Variants in FAR2 observed in about 807,000 individuals in gnomAD.
FAR2 encodes epididymis secretory protein Li 81.
FAR2 carries 19 observed loss-of-function variants against 56.0 expected under a neutral mutation model. The observed-to-expected ratio is 0.34, with a 90% CI of 0.24 to 0.50. The LOEUF (loss-of-function observed/expected upper bound fraction) is 0.50, where lower values mean the gene tolerates loss of function less well. Among genes scored for constraint, FAR2 ranks in the 20% least tolerant of loss-of-function variants. The pLI, the probability that FAR2 is intolerant of heterozygous loss-of-function variation, is 0.98. For synonymous variants in FAR2, 219 were observed against 218.8 expected, an observed-to-expected ratio of 1.00 and a Z score of -0.01; for missense variants, 508 against 642.2, an observed-to-expected ratio of 0.79 and a Z score of 2.26.
chr12:29,304,207 C>T (rs1022772503), intron 4 of FAR2, among the ~76,000 whole-genome samples: 19 of 152,304 alleles, frequency 1.2e-4, no homozygotes, highest in Middle Eastern at 6.8e-3. Context: ...TGAGTTCATC[C>T]ACTTTCTCTC....
chr12:29,248,545 C>T (rs944946574), intron 1 of FAR2, among the ~76,000 whole-genome samples: 1 of 152,196 alleles, frequency 6.6e-6, no homozygotes, highest in Non-Finnish European at 1.5e-5. Flanking sequence ...GGCGAGATCA[C>T]AGGACCACAG....
chr12:29,247,841 A>G (rs1316522729), intron 1 of FAR2, among the ~76,000 whole-genome samples: 2 of 152,236 alleles, frequency 1.3e-5, no homozygotes, highest in African/African-American at 4.8e-5. Context: ...GTAGTACAAT[A>G]AGTTTATTAA....
intron 1 of FAR2, among the ~76,000 whole-genome samples, chr12:29,193,166 C>T (rs1282668979): frequency 6.6e-6 from 1 of 152,088 alleles, no homozygotes; most frequent in Non-Finnish European, 1.5e-5. Context: ...TGTGCCCCTA[C>T]ACATGCACAG....
intron 1 of FAR2, among the ~76,000 whole-genome samples, chr12:29,166,821 T>A (rs1328907171): frequency 6.6e-6 from 1 of 152,222 alleles, no homozygotes; most frequent in Non-Finnish European, 1.5e-5. Flanking sequence ...GCTCTCTTAG[T>A]TTCTTTCTCC....
chr12:29,255,805 T>G (rs1392444941), intron 1 of FAR2, among the ~76,000 whole-genome samples: 14 of 152,180 alleles, frequency 9.2e-5, no homozygotes, highest in Admixed American at 9.2e-4. Context: ...TACTACTTTC[T>G]AAGAAATTCT....
chr12:29,293,238 A>G (rs1949002518), intron 2 of FAR2, 62 bp from the exon 3 acceptor site: 4 of 1,328,874 alleles, frequency 3.0e-6, no homozygotes. Flanking sequence ...GTTGTTATAA[A>G]CAAGAACAAT....
In FAR2 at chr12:29,149,353, G is replaced by A. The variant is rs1190560948; in HGVS notation, c.-93G>A. The A allele has an allele frequency of 6.6e-6, 1 of 152,536 alleles. No individual in the cohort carries two copies. Among genetic ancestry groups the A allele is most frequent in the Non-Finnish European group, 1.5e-5 (1 of 68,284 alleles). 9.4% of individuals were successfully genotyped at this position (152,536 alleles called of 1,614,324 possible). On this transcript the variant is annotated 5_prime_UTR_variant, in exon 1 of 12. Transcript: ENST00000536681. ...GAGCGCTTCCCGTAGCCTCGGGGAAGGAGCAGGATTTAGAGGACCACTAGT... is the reference window on the plus strand; with the variant it reads ...GAGCGCTTCCCGTAGCCTCGGGGAAAGAGCAGGATTTAGAGGACCACTAGT...
intron 1 of FAR2, among the ~76,000 whole-genome samples, chr12:29,165,030 C>T (rs141818834): frequency 9.7e-4 from 147 of 152,184 alleles, no homozygotes; most frequent in African/African-American, 3.4e-3. Flanking sequence ...TTTTCACTTC[C>T]TTTTTTGTGT....
chr12:29,212,346 C>A (rs1947560597), intron 1 of FAR2, among the ~76,000 whole-genome samples: 1 of 152,116 alleles, frequency 6.6e-6, no homozygotes, highest in Non-Finnish European at 1.5e-5. Context: ...CCATTTACCC[C>A]TAACCACTAA....
chr12:29,268,137 G>A (rs951101944), intron 1 of FAR2, among the ~76,000 whole-genome samples: 1 of 152,194 alleles, frequency 6.6e-6, no homozygotes, highest in African/African-American at 2.4e-5. Context: ...GTTACTAGCA[G>A]AGCATTCTGG....
chr12:29,216,036 C>G (rs1262462657), intron 1 of FAR2, among the ~76,000 whole-genome samples: 1 of 152,162 alleles, frequency 6.6e-6, no homozygotes, highest in Non-Finnish European at 1.5e-5. Flanking sequence ...CTGAAGTAAA[C>G]TTATATCCCT....
At chr12:29,246,704 T>C (rs1243729349) in intron 1 of FAR2, among the ~76,000 whole-genome samples, 1 of 152,158 alleles carries the variant, frequency 6.6e-6, no homozygotes, top group Non-Finnish European at 1.5e-5. Flanking sequence ...TTTTTAGTCT[T>C]ATGTACTGTA....
chr12:29,257,761 G>A (rs11833664), intron 1 of FAR2, among the ~76,000 whole-genome samples: 6,812 of 152,022 alleles, frequency 0.045, 509 homozygotes, highest in African/African-American at 0.16. Context: ...AAGAAACTCC[G>A]AACACATCTG....
intron 9 of FAR2, among the ~76,000 whole-genome samples, chr12:29,318,850 T>TG (rs1949501738): frequency 6.6e-6 from 1 of 152,134 alleles, no homozygotes; most frequent in African/African-American, 2.4e-5. Context: ...CAGGAGAGGA[T>TG]GCTGAGGAGG....
chr12:29,301,416 G>T (rs1949162109), intron 4 of FAR2, among the ~76,000 whole-genome samples: 1 of 152,150 alleles, frequency 6.6e-6, no homozygotes, highest in Non-Finnish European at 1.5e-5. Context: ...ATCAGGGATT[G>T]CCAGTGAAAT....
At chr12:29,328,136 C>CA (rs1949677514) in intron 10 of FAR2, among the ~76,000 whole-genome samples, 1 of 151,896 alleles carries the variant, frequency 6.6e-6, no homozygotes, top group African/African-American at 2.4e-5. Context: ...TTTATGCAGC[C>CA]AAAAAACACA....
chr12:29,157,113 T>TAG lies in FAR2; in HGVS notation c.-39+7707_-39+7708insGA, dbSNP rs572366881. 2.5e-3 allele frequency: 258 copies of TAG among 104,590 alleles called. 1 individual carries two copies. The highest frequency in any genetic ancestry group is 3.7e-3 in the Non-Finnish European group (187 of 50,996). 6.5% of individuals were successfully genotyped at this position (104,590 alleles called of 1,614,324 possible). On this transcript the variant is annotated intron_variant, in intron 1 of 11. Transcript: ENST00000536681. ...ATTAAAGCAAAGAACATTTTATATA[T>TAG]ATATATATATATATATATATATATA...
At chr12:29,158,603 A>T (rs1949752246) in intron 1 of FAR2, among the ~76,000 whole-genome samples, 1 of 152,230 alleles carries the variant, frequency 6.6e-6, no homozygotes, top group African/African-American at 2.4e-5. Context: ...TCACAGGATG[A>T]CACTTAGATA....
In FAR2 at chr12:29,249,893, G is replaced by A. The variant is rs188442505; in HGVS notation, c.-38-20519G>A. 2.6e-3 allele frequency among the ~76,000 whole-genome samples: 401 copies of A among 152,154 alleles called. 1 individual carries two copies. The highest frequency in any genetic ancestry group is 3.8e-3 in the Non-Finnish European group (261 of 68,010). ...CCAATTTCTCTTACCTCTTACTTCC[G>A]AATCAGTGGGAATGTTCATTAAAAT... On this transcript the variant is annotated intron_variant, in intron 1 of 11. Coordinates refer to ENST00000536681, the MANE Select transcript of FAR2 (RefSeq NM_001271783.2).
Sources: allele counts gnomAD v4.1 joint callset (sites outside exome capture counted in the v4.1 genomes callset), GRCh38; gene constraint gnomAD v4.1.1; transcripts MANE v1.5; gene names NCBI Gene and HGNC (gene_info 2026-07-23, HGNC 2026-07-21).